The following LEPR variants were observed in gnomAD, a reference collection of about 807,000 sequenced individuals.
LEPR encodes OB receptor.
A neutral mutation model predicts 114.7 loss-of-function variants in LEPR; 56 were observed. The observed-to-expected ratio is 0.49, with a 90% confidence interval of 0.39 to 0.61. LEPR has a LOEUF of 0.61. LEPR is among the 20% of genes least tolerant of loss of function. The pLI is 0.00. For missense variants in LEPR, 1,202 were observed against 1,352.9 expected (o/e 0.89, Z 1.75); for synonymous variants, 443 against 461.4 (o/e 0.96, Z 0.51).
chr1:65,432,305 A>T (rs1646497050), intron 2 of LEPR: 2 of 992,874 alleles, frequency 2.0e-6, no homozygotes, highest in South Asian at 9.0e-5. Context: ...GCCGGGGTGG[A>T]TCCCTCTTTG....
chr1:65,553,330 TCC>T (rs1450089799), intron 2 of LEPR, among the ~76,000 whole-genome samples: 1 of 152,214 alleles, frequency 6.6e-6, no homozygotes, highest in Non-Finnish European at 1.5e-5. Flanking sequence ...GGTTCTGTTC[TCC>T]CCATCACTTT....
chr1:65,607,006 AATAAACAC>A (rs1656856767), intron 11 of LEPR, among the ~76,000 whole-genome samples: 1 of 152,212 alleles, frequency 6.6e-6, no homozygotes, highest in Non-Finnish European at 1.5e-5. Context: ...GCAAGAGAAT[AATAAACAC>A]CCATATTGTG....
chr1:65,444,292 T>C (rs1168781398), intron 2 of LEPR, among the ~76,000 whole-genome samples: 1 of 152,122 alleles, frequency 6.6e-6, no homozygotes, highest in Non-Finnish European at 1.5e-5. Context: ...AGAGACTTCA[T>C]CTGCATCACA....
chr1:65,558,501 G>GTTTTTTGTTTTTTT (rs1553165163), intron 2 of LEPR, among the ~76,000 whole-genome samples: 7 of 23,168 alleles, frequency 3.0e-4, no homozygotes, highest in African/African-American at 1.1e-3. Context: ...GTTTCTTAAT[G>GTTTTTTGTTTTTTT]TTTTTTTTTT....
intron 2 of LEPR, among the ~76,000 whole-genome samples, chr1:65,443,341 C>T (rs957579693): frequency 6.6e-6 from 1 of 151,960 alleles, no homozygotes; most frequent in Non-Finnish European, 1.5e-5. Flanking sequence ...ATCACTTGAG[C>T]CCAGGAGTTC....
intron 14 of LEPR, among the ~76,000 whole-genome samples, chr1:65,613,738 C>A (rs1570818595): frequency 5.6e-5 from 2 of 35,904 alleles, no homozygotes; most frequent in Admixed American, 4.6e-4. Flanking sequence ...CCGGCCTGGG[C>A]AACAGAGCGA....
At chr1:65,594,672 A>G (rs976131350) in intron 6 of LEPR, among the ~76,000 whole-genome samples, 2 of 152,064 alleles carry the variant, frequency 1.3e-5, no homozygotes, top group African/African-American at 4.8e-5. Flanking sequence ...GGTTGGACAT[A>G]TGAGTCTAAA....
chr1:65,584,657 G>A (rs536625139), intron 5 of LEPR, among the ~76,000 whole-genome samples: 10 of 151,922 alleles, frequency 6.6e-5, no homozygotes, highest in East Asian at 1.9e-4. Context: ...GAAAACAAGC[G>A]TACTAACTGA....
At chr1:65,608,233 CTTT>C (rs1281303028) in intron 11 of LEPR, among the ~76,000 whole-genome samples, 3 of 134,042 alleles carry the variant, frequency 2.2e-5, no homozygotes, top group Non-Finnish European at 1.6e-5. Context: ...AGCATGGTAT[CTTT>C]TTTTTTTTTT....
intron 19 of LEPR, 113 bp from the exon 20 acceptor site, chr1:65,636,078 G>A (rs1216086438): frequency 7.4e-6 from 9 of 1,220,788 alleles, no homozygotes; most frequent in Non-Finnish European, 9.4e-6. Context: ...TTAATTTGTG[G>A]TTGACTTATG....
chr1:65,441,898 G>C (rs1163277811), intron 2 of LEPR, among the ~76,000 whole-genome samples: 14 of 152,180 alleles, frequency 9.2e-5, no homozygotes. Context: ...CTTTGCCCCA[G>C]ATTCCCACTC....
chr1:65,457,432 A>T (rs1646891535), intron 2 of LEPR, among the ~76,000 whole-genome samples: 1 of 151,992 alleles, frequency 6.6e-6, no homozygotes, highest in Admixed American at 6.6e-5. Flanking sequence ...GTTTCTACTG[A>T]TAGATCCCCA....
chr1:65,475,777 A>G (rs1318508334), intron 2 of LEPR, among the ~76,000 whole-genome samples: 1 of 152,138 alleles, frequency 6.6e-6, no homozygotes, highest in Non-Finnish European at 1.5e-5. Flanking sequence ...GCACTTTGGG[A>G]GGCAGAGGCA....
intron 4 of LEPR, among the ~76,000 whole-genome samples, chr1:65,571,739 A>C (rs2100809409): frequency 7.3e-6 from 1 of 137,398 alleles, no homozygotes; most frequent in South Asian, 2.4e-4. Flanking sequence ...GGATCACTTG[A>C]GCTCAGGAGT....
At chr1:65,598,868 A>C (rs887658190) in intron 8 of LEPR, 64 bp downstream of exon 8, 2 of 1,607,882 alleles carry the variant, frequency 1.2e-6, no homozygotes, top group Non-Finnish European at 1.7e-6. Context: ...GCCTTTGTAT[A>C]GTATAAGCAT....
chr1:65,421,576 A>G, intron 1 of LEPR: 2 of 1,171,410 alleles, frequency 1.7e-6, no homozygotes, highest in Non-Finnish European at 1.2e-6. Context: ...AACATCTGCT[A>G]TAAACATGTA....
intron 2 of LEPR, among the ~76,000 whole-genome samples, chr1:65,538,980 T>C (rs765877408): frequency 1.3e-4 from 19 of 151,948 alleles, no homozygotes; most frequent in Non-Finnish European, 2.4e-4. Context: ...TCTATTCTTT[T>C]TTTCTGGAAG....
In LEPR at chr1:65,613,838, T is replaced by C. The variant is rs1035559404; in HGVS notation, c.1996-2170T>C. 1.5e-4 allele frequency among the ~76,000 whole-genome samples: 21 copies of C among 144,140 alleles called. 1 individual carries two copies. Among genetic ancestry groups the C allele is most frequent in the Admixed American group, 1.4e-3 (20 of 14,486 alleles). 94.6% of individuals were successfully genotyped at this position (144,140 alleles called of 152,430 possible). A position where few individuals can be genotyped will look rare whatever the true frequency, so the allele number is the denominator to read the frequency against. On this transcript the variant is annotated intron_variant, in intron 14 of 19. Coordinates refer to ENST00000349533, the MANE Select transcript of LEPR (RefSeq NM_002303.6). ...TAGATATACAGATGACAAATATGAA[T>C]ATTAAAAGATGTTCAACATCATTCA... is the stretch of plus-strand genomic sequence containing the variant.
Position 65,498,256 on chromosome 1 carries a change from C to A in LEPR, c.-20-67290C>A, listed in dbSNP as rs144707869. 2.8e-3 allele frequency among the ~76,000 whole-genome samples: 420 copies of A among 152,180 alleles called. 3 individuals carry two copies. The highest frequency in any genetic ancestry group is 0.024 in the Middle Eastern group (7 of 294). ...GTAAGGTAGAATTTGCTTTAAATGGCAATTTTGAGATTTTTCTTGAGGAGC... is the reference window on the plus strand; with the variant it reads ...GTAAGGTAGAATTTGCTTTAAATGGAAATTTTGAGATTTTTCTTGAGGAGC... On this transcript the variant is annotated intron_variant, in intron 2 of 19. Transcript: ENST00000349533.
Sources: allele counts gnomAD v4.1 joint callset (sites outside exome capture counted in the v4.1 genomes callset), GRCh38; gene constraint gnomAD v4.1.1; transcripts MANE v1.5; gene names NCBI Gene and HGNC (gene_info 2026-07-23, HGNC 2026-07-21).